PTK2: variants seen among roughly 807,000 people sequenced by gnomAD.
PTK2 encodes protein tyrosine kinase 2.
In PTK2, 45 loss-of-function variants were observed where a neutral mutation model predicts 150.1. The ratio of observed to expected loss-of-function variants is 0.30; its 90% CI spans 0.24 to 0.38. PTK2 has a LOEUF of 0.38. PTK2 is among the 10% of genes least tolerant of loss of function. PTK2 has a pLI of 1.00. For synonymous variants in PTK2, 432 were observed against 449.2 expected, an observed-to-expected ratio of 0.96 and a Z score of 0.48; for missense variants, 919 against 1,307.3, an observed-to-expected ratio of 0.70 and a Z score of 4.58.
chr8:140,826,302 T>C (rs1359891434), intron 8 of PTK2, among the ~76,000 whole-genome samples: 1 of 152,202 alleles, frequency 6.6e-6, no homozygotes, highest in Non-Finnish European at 1.5e-5. Flanking sequence ...TGTATTATAG[T>C]TGTTACCCCC....
chr8:140,944,406 A>G (rs969147076), intron 1 of PTK2, among the ~76,000 whole-genome samples: 1 of 152,230 alleles, frequency 6.6e-6, no homozygotes, highest in Non-Finnish European at 1.5e-5. Flanking sequence ...CCAATTGTGC[A>G]CTGTGGTTAA....
chr8:140,751,727 G>A (rs888102581), intron 17 of PTK2, among the ~76,000 whole-genome samples: 1 of 151,908 alleles, frequency 6.6e-6, no homozygotes, highest in East Asian at 1.9e-4. Flanking sequence ...CCTGACCTCA[G>A]GTGATCTGCC....
At chr8:140,660,331 C>CCAAGCCAGGA (rs1488493047) in intron 31 of PTK2, among the ~76,000 whole-genome samples, 2 of 152,170 alleles carry the variant, frequency 1.3e-5, no homozygotes, top group African/African-American at 4.8e-5. Context: ...TCTTTAGTCT[C>CCAAGCCAGGA]CAAGCCAGGA....
At chr8:140,984,554 G>GT (rs2100192617) in intron 1 of PTK2, among the ~76,000 whole-genome samples, 1 of 152,004 alleles carries the variant, frequency 6.6e-6, no homozygotes, top group Admixed American at 6.6e-5. Context: ...CCTTCATATA[G>GT]TGCCTGCACA....
chr8:140,713,437 AT>A (rs1020525074), intron 23 of PTK2, among the ~76,000 whole-genome samples: 1 of 152,114 alleles, frequency 6.6e-6, no homozygotes, highest in Non-Finnish European at 1.5e-5. Context: ...TAATTTTTGT[AT>A]TTTTAGTTGA....
At chr8:140,951,478 G>T (rs564430684) in intron 1 of PTK2, among the ~76,000 whole-genome samples, 1 of 152,234 alleles carries the variant, frequency 6.6e-6, no homozygotes, top group African/African-American at 2.4e-5. Flanking sequence ...AATTTGCGGT[G>T]GGGGGGAATT....
intron 4 of PTK2, among the ~76,000 whole-genome samples, chr8:140,869,703 A>G (rs940686251): frequency 3.0e-4 from 46 of 152,188 alleles, no homozygotes; most frequent in African/African-American, 1.1e-3. Flanking sequence ...ACAATTCATC[A>G]ATTCATACAC....
At chr8:140,966,557 T>C (rs1414972464) in intron 1 of PTK2, among the ~76,000 whole-genome samples, 1 of 152,196 alleles carries the variant, frequency 6.6e-6, no homozygotes, top group African/African-American at 2.4e-5. Context: ...CAGAAATCTA[T>C]TTGTAACTAT....
At chr8:140,844,942 C>A (rs1240148213) in intron 7 of PTK2, among the ~76,000 whole-genome samples, 1 of 152,154 alleles carries the variant, frequency 6.6e-6, no homozygotes, top group East Asian at 1.9e-4. Flanking sequence ...GACTGGTATC[C>A]ATAGTGGCCC....
intron 1 of PTK2, among the ~76,000 whole-genome samples, chr8:140,950,349 C>T (rs1326817635): frequency 6.6e-6 from 1 of 152,230 alleles, no homozygotes; most frequent in Non-Finnish European, 1.5e-5. Context: ...CTGGGCGCCA[C>T]CTCGTTCCCC....
chr8:140,983,926 G>A (rs2100192380), intron 1 of PTK2: 1 of 152,290 alleles, frequency 6.6e-6, no homozygotes, highest in Non-Finnish European at 1.5e-5. Flanking sequence ...AGGCCAAGGT[G>A]GGTGGATCAC....
intron 1 of PTK2, among the ~76,000 whole-genome samples, chr8:140,953,562 C>T (rs1308835891): frequency 6.6e-6 from 1 of 152,156 alleles, no homozygotes; most frequent in Admixed American, 6.5e-5. Context: ...GATCAGGGTG[C>T]ATGAGATTTC....
intron 14 of PTK2, among the ~76,000 whole-genome samples, chr8:140,767,876 A>G (rs905065203): frequency 3.9e-5 from 6 of 152,178 alleles, no homozygotes; most frequent in African/African-American, 1.4e-4. Context: ...ATTTTTACAT[A>G]TTCAAGGGCC....
At chr8:140,918,846 CTG>C (rs1473918370) in intron 2 of PTK2, among the ~76,000 whole-genome samples, 1 of 152,188 alleles carries the variant, frequency 6.6e-6, no homozygotes, top group Non-Finnish European at 1.5e-5. Flanking sequence ...GAGCTTTTCA[CTG>C]TGTCTTTATC....
intron 13 of PTK2, among the ~76,000 whole-genome samples, chr8:140,789,752 T>C (rs1408503943): frequency 6.6e-6 from 1 of 152,194 alleles, no homozygotes; most frequent in Non-Finnish European, 1.5e-5. Context: ...CTGAGAAAGA[T>C]ACTCTTGACA....
chr8:140,857,379 T>C (rs569243406), intron 5 of PTK2, among the ~76,000 whole-genome samples: 2 of 152,302 alleles, frequency 1.3e-5, no homozygotes, highest in African/African-American at 4.8e-5. Flanking sequence ...TATCAGCTCC[T>C]CGAATCTCCA....
intron 4 of PTK2, among the ~76,000 whole-genome samples, chr8:140,877,024 CCTTTT>C (rs1377277592): frequency 6.9e-5 from 9 of 130,322 alleles, no homozygotes; most frequent in Admixed American, 1.7e-4. Flanking sequence ...TTTCACTAAT[CCTTTT>C]TTTTTTTTTT....
At chr8:140,777,594 C>A (rs1364450591) in intron 14 of PTK2, among the ~76,000 whole-genome samples, 1 of 152,228 alleles carries the variant, frequency 6.6e-6, no homozygotes, top group Non-Finnish European at 1.5e-5. Flanking sequence ...AAAACTCCCA[C>A]TAGCAAGTCA....
At chr8:140,696,234 C>G (rs914166030) in intron 26 of PTK2, among the ~76,000 whole-genome samples, 2 of 152,094 alleles carry the variant, frequency 1.3e-5, no homozygotes, top group Non-Finnish European at 2.9e-5. Context: ...GACAGGAAAA[C>G]AAGTGAGACA....
Sources: gnomAD v4.1 joint callset for allele counts (sites outside exome capture counted in the v4.1 genomes callset) on GRCh38, gnomAD v4.1.1 for gene constraint, MANE v1.5 for transcripts, NCBI Gene and HGNC (gene_info 2026-07-23, HGNC 2026-07-21) for gene names.